The following SUGCT variants were observed in gnomAD, a reference collection of about 807,000 sequenced individuals.
SUGCT encodes succinyl-CoA:glutarate-CoA transferase.
In SUGCT, 41 loss-of-function variants were observed where a neutral mutation model predicts 55.0. That is an observed-to-expected ratio of 0.74 (90% CI 0.58 to 0.97). The LOEUF (loss-of-function observed/expected upper bound fraction) is 0.97, where lower values mean the gene tolerates loss of function less well. SUGCT is among the 50% of genes least tolerant of loss of function. SUGCT has a pLI of 0.00. For missense variants in SUGCT, 568 were observed against 547.8 expected (o/e 1.04, Z -0.37); for synonymous variants, 187 against 200.4 (o/e 0.93, Z 0.56).
At chr7:40,587,919 T>C (rs76577861) in intron 12 of SUGCT, among the ~76,000 whole-genome samples, 5 of 148,894 alleles carry the variant, frequency 3.4e-5, no homozygotes, top group South Asian at 2.1e-4. Flanking sequence ...TTTTTTTTTT[T>C]CCAGACAGAG....
At chr7:40,462,859 C>A (rs753748326) in intron 11 of SUGCT, among the ~76,000 whole-genome samples, 32 of 152,112 alleles carry the variant, frequency 2.1e-4, no homozygotes, top group Non-Finnish European at 4.6e-4. Context: ...TTTCGGTGAG[C>A]CTAAGAAGTT....
chr7:41,007,823 C>CAAAAAAAAAAAAAAAAAAAAAAAAAAA, the SUGCT span, among the ~76,000 whole-genome samples: 1 of 104,292 alleles, frequency 9.6e-6, no homozygotes, highest in Non-Finnish European at 1.8e-5. Context: ...AACTGAAATC[C>CAAAAAAAAAAAAAAAAAAAAAAAAAAA]AAAAAAAAAA....
chr7:40,780,396 G>A (rs886363270), intron 13 of SUGCT, among the ~76,000 whole-genome samples: 1 of 152,164 alleles, frequency 6.6e-6, no homozygotes, highest in African/African-American at 2.4e-5. Context: ...GTTGACAAGG[G>A]AAGTTTGCAA....
chr7:40,770,194 GGCTTTTATATTATGTTTT>G (rs1789020884), intron 13 of SUGCT, among the ~76,000 whole-genome samples: 1 of 152,060 alleles, frequency 6.6e-6, no homozygotes, highest in Non-Finnish European at 1.5e-5. Flanking sequence ...TGTGGTGAGT[GGCTTTTATATTATGTTTT>G]GCCTAGATAA....
chr7:40,439,544 G>A (rs964909413), intron 9 of SUGCT, among the ~76,000 whole-genome samples: 3 of 152,162 alleles, frequency 2.0e-5, no homozygotes, highest in Non-Finnish European at 4.4e-5. Flanking sequence ...GATAGAGAAA[G>A]TCACTCAGTT....
At chr7:41,005,240 G>A in the SUGCT span, among the ~76,000 whole-genome samples, 4 of 152,062 alleles carry the variant, frequency 2.6e-5, no homozygotes, top group African/African-American at 9.7e-5. Flanking sequence ...GAAAGCCAGT[G>A]TTTCCCCCTC....
At chr7:40,563,806 CCTT>C (rs1392276996) in intron 12 of SUGCT, among the ~76,000 whole-genome samples, 3 of 151,930 alleles carry the variant, frequency 2.0e-5, no homozygotes, top group Admixed American at 6.6e-5. Flanking sequence ...AAGCAATACT[CCTT>C]CTGTGAATGA....
chr7:40,228,023 C>T (rs1788489995), intron 6 of SUGCT, among the ~76,000 whole-genome samples: 1 of 152,010 alleles, frequency 6.6e-6, no homozygotes, highest in Non-Finnish European at 1.5e-5. Context: ...GCTGGGATTA[C>T]AGGCATGCGC....
chr7:40,429,058 A>G (rs1787750839), intron 9 of SUGCT, among the ~76,000 whole-genome samples: 2 of 152,180 alleles, frequency 1.3e-5, no homozygotes, highest in Non-Finnish European at 1.5e-5. Context: ...TGGGATACAT[A>G]TAGAGAATAA....
At chr7:40,577,460 A>C (rs1254401693) in intron 12 of SUGCT, among the ~76,000 whole-genome samples, 2 of 151,940 alleles carry the variant, frequency 1.3e-5, no homozygotes, top group African/African-American at 2.4e-5. Context: ...TAAATTCAGT[A>C]AATGTTTTCT....
At chr7:40,824,544 G>A (rs1272388746) in intron 13 of SUGCT, among the ~76,000 whole-genome samples, 1 of 152,152 alleles carries the variant, frequency 6.6e-6, no homozygotes, top group African/African-American at 2.4e-5. Flanking sequence ...ATTCGTTGGG[G>A]TACATGATGC....
the SUGCT span, among the ~76,000 whole-genome samples, chr7:41,020,509 A>G: frequency 2.0e-5 from 3 of 152,260 alleles, no homozygotes; most frequent in Non-Finnish European, 4.4e-5. Flanking sequence ...AAAGATAAAT[A>G]GTGATGACTG....
At chr7:40,609,814 C>T (rs551514686) in intron 12 of SUGCT, among the ~76,000 whole-genome samples, 10 of 152,100 alleles carry the variant, frequency 6.6e-5, no homozygotes, top group South Asian at 6.2e-4. Context: ...CTTGATAAGT[C>T]GACATTTCAA....
At chr7:40,558,330 A>G (rs1177993159) in intron 12 of SUGCT, among the ~76,000 whole-genome samples, 1 of 152,226 alleles carries the variant, frequency 6.6e-6, no homozygotes, top group Non-Finnish European at 1.5e-5. Context: ...GATCATAGCA[A>G]CGTTAGTCAC....
intron 13 of SUGCT, among the ~76,000 whole-genome samples, chr7:40,801,150 A>G (rs1169896450): frequency 1.3e-5 from 2 of 152,224 alleles, no homozygotes; most frequent in African/African-American, 4.8e-5. Flanking sequence ...AAGTGGCTTG[A>G]TAGTGAAAGT....
At chr7:40,666,206 T>A (rs1452704621) in intron 12 of SUGCT, among the ~76,000 whole-genome samples, 1 of 151,740 alleles carries the variant, frequency 6.6e-6, no homozygotes, top group Non-Finnish European at 1.5e-5. Context: ...AAAAATTAGC[T>A]GGGTGTGGTG....
the SUGCT span, among the ~76,000 whole-genome samples, chr7:40,925,398 GA>G: frequency 2.0e-5 from 3 of 152,154 alleles, no homozygotes; most frequent in African/African-American, 7.2e-5. Flanking sequence ...ATGCCTAATA[GA>G]ATACAATCAC....
At chr7:40,391,264 G>A (rs1194527604) in intron 9 of SUGCT, among the ~76,000 whole-genome samples, 4 of 151,976 alleles carry the variant, frequency 2.6e-5, no homozygotes, top group African/African-American at 2.4e-5. Flanking sequence ...AATGGCAACA[G>A]AAGCCAAAAT....
the SUGCT span, among the ~76,000 whole-genome samples, chr7:41,038,596 CTCA>C: frequency 6.6e-6 from 1 of 152,172 alleles, no homozygotes; most frequent in Non-Finnish European, 1.5e-5. Flanking sequence ...GAGTTGCCTC[CTCA>C]TCAACAGTGG....
Sources: gnomAD v4.1 joint callset for allele counts (sites outside exome capture counted in the v4.1 genomes callset) on GRCh38, gnomAD v4.1.1 for gene constraint, MANE v1.5 for transcripts, NCBI Gene and HGNC (gene_info 2026-07-23, HGNC 2026-07-21) for gene names.